SPECC1: variants seen among roughly 807,000 people sequenced by gnomAD.
SPECC1 encodes sperm antigen with calponin homology and coiled-coil domains 1, also known as cytospin-B.
A neutral mutation model predicts 104.1 loss-of-function variants in SPECC1; 62 were observed. The ratio of observed to expected loss-of-function variants is 0.60; its 90% CI spans 0.49 to 0.74. SPECC1 has a LOEUF of 0.74. SPECC1 is among the 30% of genes least tolerant of loss of function. The pLI, the probability that SPECC1 is intolerant of heterozygous loss-of-function variation, is 0.00. For synonymous variants in SPECC1, 513 were observed against 501.6 expected (o/e 1.02, Z -0.30); for missense variants, 1,306 against 1,310.5 (o/e 1.00, Z 0.05).
In SPECC1 at chr17:20,205,612, G is replaced by T; in HGVS notation, c.1563G>T (p.Glu521Asp). ...RLKEENEKLN[E>D]FLELERHNNN... ...AGGAAGAAAATGAAAAACTGAATGAGTTTCTAGAACTGGAACGGCATAATA... is the reference window on the plus strand; with the variant it reads ...AGGAAGAAAATGAAAAACTGAATGATTTTCTAGAACTGGAACGGCATAATA... Residue 521 changes from glutamate to aspartate, a missense_variant, in exon 4 of 15, where the codon GAG (glutamate) becomes GAT (aspartate). By Grantham distance (45) the Glu-to-Asp change is conservative. This residue lies in a region of SPECC1 where 1,177 missense variants were observed against 1,139.9 expected (regional missense o/e 1.03). Coordinates refer to ENST00000395527, the MANE Select transcript of SPECC1 (RefSeq NM_001243439.2). The T allele has an allele frequency of 6.2e-7, 1 of 1,614,156 alleles. No homozygotes were observed. Among genetic ancestry groups the T allele is most frequent in the African/African-American group, 1.3e-5 (1 of 75,032 alleles).
intron 1 of SPECC1, among the ~76,000 whole-genome samples, chr17:20,066,968 C>T (rs2046380454): frequency 1.5e-5 from 2 of 134,878 alleles, no homozygotes; most frequent in East Asian, 4.2e-4. Flanking sequence ...CCAGGCGGGT[C>T]TTGAACTCTT....
intron 3 of SPECC1, among the ~76,000 whole-genome samples, chr17:20,120,398 C>T (rs1050804002): frequency 3.3e-5 from 5 of 152,000 alleles, no homozygotes; most frequent in African/African-American, 1.2e-4. Flanking sequence ...AAAAAAAATA[C>T]AGTTGATACA....
At chr17:20,161,210 A>G (rs2033115941) in intron 3 of SPECC1, among the ~76,000 whole-genome samples, 2 of 152,194 alleles carry the variant, frequency 1.3e-5, no homozygotes, top group South Asian at 4.1e-4. Flanking sequence ...GAGTGTCTCA[A>G]AAAAGAAAAA....
At chr17:20,010,088 G>C (rs2043885937) in intron 1 of SPECC1, 1 of 152,096 alleles carries the variant, frequency 6.6e-6, no homozygotes, top group South Asian at 2.1e-4. Context: ...CGGGCGTGCG[G>C]AAGTAACGAC....
chr17:20,166,466 T>C (rs1171098680), intron 3 of SPECC1, among the ~76,000 whole-genome samples: 4 of 152,210 alleles, frequency 2.6e-5, no homozygotes, highest in Non-Finnish European at 5.9e-5. Flanking sequence ...TTATTCTATT[T>C]GGAAATTTTG....
intron 1 of SPECC1, among the ~76,000 whole-genome samples, chr17:20,021,420 C>G (rs2044369630): frequency 6.6e-6 from 1 of 152,054 alleles, no homozygotes; most frequent in Non-Finnish European, 1.5e-5. Flanking sequence ...CACATTTTGT[C>G]CATCTCGTCT....
chr17:20,053,531 G>GT (rs2045852398), intron 1 of SPECC1, among the ~76,000 whole-genome samples: 1 of 152,206 alleles, frequency 6.6e-6, no homozygotes, highest in Non-Finnish European at 1.5e-5. Context: ...AGTGTTAGGA[G>GT]TAGGAGTAGG....
At chr17:20,176,045 A>G (rs1047415011) in intron 3 of SPECC1, among the ~76,000 whole-genome samples, 4 of 152,236 alleles carry the variant, frequency 2.6e-5, no homozygotes, top group African/African-American at 7.2e-5. Context: ...GATTCTCTGC[A>G]TAGAAGTTTT....
At chr17:20,225,294 CTCCAAG>C (rs1160358538) in intron 4 of SPECC1, among the ~76,000 whole-genome samples, 1 of 152,170 alleles carries the variant, frequency 6.6e-6, no homozygotes, top group Non-Finnish European at 1.5e-5. Context: ...GTCATGTGCA[CTCCAAG>C]TCCACTGTCT....
chr17:20,196,126 C>T (rs573734583), intron 3 of SPECC1, among the ~76,000 whole-genome samples: 1 of 152,282 alleles, frequency 6.6e-6, no homozygotes, highest in African/African-American at 2.4e-5. Context: ...TAACTTAAAG[C>T]AATTCTTTAA....
chr17:20,212,315 A>T (rs1162225186), intron 4 of SPECC1, among the ~76,000 whole-genome samples: 3 of 152,176 alleles, frequency 2.0e-5, no homozygotes, highest in African/African-American at 7.2e-5. Flanking sequence ...CAGAACAGAA[A>T]CACCCCACTT....
intron 1 of SPECC1, among the ~76,000 whole-genome samples, chr17:20,034,954 A>G (rs1483574342): frequency 1.3e-5 from 2 of 152,038 alleles, no homozygotes; most frequent in East Asian, 3.9e-4. Context: ...TCCTTGAGTC[A>G]TTTTGAGTTA....
intron 3 of SPECC1, among the ~76,000 whole-genome samples, chr17:20,178,945 G>A (rs1189619988): frequency 6.6e-6 from 1 of 152,194 alleles, no homozygotes; most frequent in Non-Finnish European, 1.5e-5. Flanking sequence ...TCTGTTTTGA[G>A]GGAAATTGGG....
At chr17:20,144,897 T>G (rs146459046) in intron 3 of SPECC1, among the ~76,000 whole-genome samples, 215 of 152,318 alleles carry the variant, frequency 1.4e-3, no homozygotes, top group African/African-American at 4.0e-3. Context: ...GAGGTTTTTT[T>G]TGTGTGTATA....
chr17:20,162,153 T>C (rs2033216080), intron 3 of SPECC1, among the ~76,000 whole-genome samples: 1 of 150,994 alleles, frequency 6.6e-6, no homozygotes, highest in Non-Finnish European at 1.5e-5. Flanking sequence ...TTTTTTTATA[T>C]ATATATTTTT....
intron 12 of SPECC1, among the ~76,000 whole-genome samples, chr17:20,293,328 C>T (rs555400095): frequency 6.6e-6 from 1 of 152,286 alleles, no homozygotes; most frequent in Admixed American, 6.5e-5. Context: ...TTCACACACA[C>T]TTTGAGGAGA....
In SPECC1 at chr17:20,281,732, C is replaced by G. The variant is rs147536394; in HGVS notation, c.2941-15229C>G. Among the ~76,000 whole-genome samples the G allele has an allele frequency of 1.1e-4, 16 of 152,278 alleles. No individual in the cohort carries two copies. In the East Asian group the frequency reaches 2.9e-3, roughly 28 times the overall value. The stretch of plus-strand genomic sequence containing the variant: ...CAGCAGAGCTATGCATGACCATGAC[C>G]TTTTTTAGAAGCAGCAAGCAAGGAG... On this transcript the variant is annotated intron_variant, in intron 12 of 14. Coordinates refer to ENST00000395527, the MANE Select transcript of SPECC1 (RefSeq NM_001243439.2).
intron 3 of SPECC1, among the ~76,000 whole-genome samples, chr17:20,145,735 C>T (rs1170078496): frequency 6.6e-6 from 1 of 152,178 alleles, no homozygotes; most frequent in Non-Finnish European, 1.5e-5. Flanking sequence ...ATCTACTACT[C>T]AGCTAAGAAC....
At chr17:20,229,193 G>A (rs924770724) in intron 5 of SPECC1, among the ~76,000 whole-genome samples, 1 of 152,006 alleles carries the variant, frequency 6.6e-6, no homozygotes, top group Non-Finnish European at 1.5e-5. Flanking sequence ...TAACATTTTT[G>A]TGCTTTTGTT....
Sources: gnomAD v4.1 joint callset for allele counts (sites outside exome capture counted in the v4.1 genomes callset) on GRCh38, gnomAD v4.1.1 for gene constraint, gnomAD v4.1.1 regional missense constraint, MANE v1.5 for transcripts, NCBI Gene and HGNC (gene_info 2026-07-23, HGNC 2026-07-21) for gene names.